PDGFD: variants seen among roughly 807,000 people sequenced by gnomAD.
The protein encoded by PDGFD is platelet derived growth factor D, also known as platelet-derived growth factor D.
Under a neutral mutation model 44.7 loss-of-function variants are expected in PDGFD, and 30 were observed. The observed-to-expected ratio is 0.67, with a 90% CI of 0.50 to 0.91. The LOEUF (loss-of-function observed/expected upper bound fraction) is 0.91. PDGFD is among the 40% of genes least tolerant of loss of function. PDGFD has a pLI of 0.00. For synonymous variants in PDGFD, 173 were observed against 168.4 expected, an observed-to-expected ratio of 1.03 and a Z score of -0.21; for missense variants, 445 against 457.8, an observed-to-expected ratio of 0.97 and a Z score of 0.25.
At chr11:104,050,920 T>A (rs569744772) in intron 1 of PDGFD, among the ~76,000 whole-genome samples, 1 of 152,182 alleles carries the variant, frequency 6.6e-6, no homozygotes, top group Non-Finnish European at 1.5e-5. Flanking sequence ...TCCATTTAAC[T>A]CAATACTATC....
intron 1 of PDGFD, among the ~76,000 whole-genome samples, chr11:104,082,780 C>T (rs1202787537): frequency 1.3e-5 from 2 of 152,088 alleles, no homozygotes; most frequent in Admixed American, 6.6e-5. Context: ...TACAGATGCA[C>T]ACCACTACAC....
chr11:104,040,268 C>T lies in PDGFD; in HGVS notation c.125-40013G>A, dbSNP rs182258479. ...CCTAAAAATTTCACGTTTCTTTGGC[C>T]ATATTCCAAATCCTAAAAACATGAT... is the stretch of plus-strand genomic sequence containing the variant. On this transcript the variant is annotated intron_variant, in intron 1 of 6. Coordinates refer to ENST00000393158, the MANE Select transcript of PDGFD (RefSeq NM_025208.5). Among the ~76,000 whole-genome samples, 5 of 152,056 alleles carry T rather than the reference C, an allele frequency of 3.3e-5. No individual in the cohort carries two copies. In the East Asian group the frequency reaches 7.7e-4, roughly 23 times the overall value.
chr11:103,909,970 A>G, intron 6 of PDGFD, 151 bp from the exon 7 acceptor site: 1 of 849,218 alleles, frequency 1.2e-6, no homozygotes, highest in South Asian at 1.7e-5. Context: ...ACACGTTGCT[A>G]TTAGAATGTA....
intron 1 of PDGFD, among the ~76,000 whole-genome samples, chr11:104,155,525 T>C (rs909797409): frequency 1.3e-5 from 2 of 152,208 alleles, no homozygotes; most frequent in Non-Finnish European, 2.9e-5. Context: ...AAACCAGTTC[T>C]CTTATCTATT....
At position 104,036,785 on chromosome 11, in the gene PDGFD, C is replaced by A. The variant is rs1364881356; in HGVS notation, c.125-36530G>T. ...CGCCCCAGCCCGCCAGTGAGCCGCC[C>A]ATGCCCTCTGCTAGCCCGGCCCGCC... On this transcript the variant is annotated intron_variant, in intron 1 of 6. Coordinates refer to ENST00000393158, the MANE Select transcript of PDGFD (RefSeq NM_025208.5). 1.9e-6 allele frequency: 3 copies of A among 1,549,086 alleles called. No homozygotes were observed. In the South Asian group the frequency reaches 3.4e-5, roughly 18 times the overall value.
At chr11:103,955,483 T>C (rs1426189050) in intron 3 of PDGFD, among the ~76,000 whole-genome samples, 1 of 152,156 alleles carries the variant, frequency 6.6e-6, no homozygotes, top group Non-Finnish European at 1.5e-5. Flanking sequence ...AAAGCAAAAA[T>C]TAAAAACCCT....
intron 2 of PDGFD, 112 bp downstream of exon 2, chr11:103,999,939 A>G (rs1361975424): frequency 3.3e-6 from 3 of 896,728 alleles, no homozygotes; most frequent in Admixed American, 4.7e-5. Context: ...GAAGCGACAC[A>G]TGTTGGGTCC....
chr11:104,034,882 T>C (rs575867463), intron 1 of PDGFD, among the ~76,000 whole-genome samples: 4 of 152,274 alleles, frequency 2.6e-5, no homozygotes, highest in African/African-American at 9.6e-5. Flanking sequence ...GACCTCTTGA[T>C]CCGCCCACCC....
intron 1 of PDGFD, among the ~76,000 whole-genome samples, chr11:104,007,344 C>A (rs1020023436): frequency 6.6e-6 from 1 of 152,134 alleles, no homozygotes; most frequent in Non-Finnish European, 1.5e-5. Context: ...GAAGAAGTCA[C>A]CCCTGGCCCC....
intron 1 of PDGFD, among the ~76,000 whole-genome samples, chr11:104,080,361 T>C (rs1861027943): frequency 6.6e-6 from 1 of 152,136 alleles, no homozygotes; most frequent in South Asian, 2.1e-4. Context: ...TCAACCAATA[T>C]CAGATTTCGA....
intron 1 of PDGFD, among the ~76,000 whole-genome samples, chr11:104,123,597 T>A (rs1035566729): frequency 6.6e-6 from 1 of 152,104 alleles, no homozygotes; most frequent in Non-Finnish European, 1.5e-5. Flanking sequence ...GCCATGAGTT[T>A]AGCCAATTAA....
intron 3 of PDGFD, among the ~76,000 whole-genome samples, chr11:103,975,264 T>C (rs971680415): frequency 6.6e-6 from 1 of 152,240 alleles, no homozygotes; most frequent in African/African-American, 2.4e-5. Flanking sequence ...TTTTTTCATA[T>C]GTTTGTTGGC....
intron 1 of PDGFD, among the ~76,000 whole-genome samples, chr11:104,162,985 T>G (rs1490488556): frequency 6.6e-6 from 1 of 152,110 alleles, no homozygotes; most frequent in Non-Finnish European, 1.5e-5. Context: ...GTAAATAAAC[T>G]CAGCTTAGGG....
chr11:103,950,019 T>C (rs926336769), intron 3 of PDGFD, among the ~76,000 whole-genome samples: 1 of 152,106 alleles, frequency 6.6e-6, no homozygotes, highest in African/African-American at 2.4e-5. Context: ...AAGCCTACAC[T>C]ATGTACAGAT....
At chr11:103,984,256 G>A (rs1428632132) in intron 3 of PDGFD, among the ~76,000 whole-genome samples, 1 of 151,692 alleles carries the variant, frequency 6.6e-6, no homozygotes, top group Admixed American at 6.6e-5. Context: ...CACATCCTTT[G>A]CAGGGACATG....
chr11:103,920,906 T>A (rs477831), intron 6 of PDGFD, among the ~76,000 whole-genome samples: 82,946 of 152,022 alleles, frequency 0.55, 23,518 homozygotes, highest in African/African-American at 0.7. Context: ...CACAATTTCA[T>A]TAAGATTTTG....
At chr11:104,041,871 G>A (rs553830861) in intron 1 of PDGFD, among the ~76,000 whole-genome samples, 45 of 152,286 alleles carry the variant, frequency 3.0e-4, no homozygotes, top group African/African-American at 1.1e-3. Context: ...CTTCACTGCA[G>A]GTATTAACTG....
chr11:104,159,946 T>C (rs964641595), intron 1 of PDGFD, among the ~76,000 whole-genome samples: 1 of 152,254 alleles, frequency 6.6e-6, no homozygotes, highest in Non-Finnish European at 1.5e-5. Context: ...ATTTAAAATA[T>C]GTAATCACCA....
chr11:104,063,727 G>A (rs1414875095), intron 1 of PDGFD, among the ~76,000 whole-genome samples: 1 of 152,116 alleles, frequency 6.6e-6, no homozygotes, highest in Non-Finnish European at 1.5e-5. Flanking sequence ...TGATGGGGGA[G>A]GTGCCACACT....
Sources: allele counts gnomAD v4.1 joint callset (sites outside exome capture counted in the v4.1 genomes callset), GRCh38; gene constraint gnomAD v4.1.1; transcripts MANE v1.5; gene names NCBI Gene and HGNC (gene_info 2026-07-23, HGNC 2026-07-21).